Variants in KCNIP4 observed in about 807,000 individuals in gnomAD.
The protein encoded by KCNIP4 is Kv channel-interacting protein 4.
KCNIP4 carries 12 observed loss-of-function variants against 34.0 expected under a neutral mutation model. The ratio of observed to expected loss-of-function variants is 0.35; its 90% CI spans 0.23 to 0.57. KCNIP4 has a LOEUF of 0.57. Ranked by LOEUF, KCNIP4 falls within the 20% of genes least tolerant of loss-of-function variation. The pLI, the probability that KCNIP4 is intolerant of heterozygous loss-of-function variation, is 0.83. For missense variants in KCNIP4, 238 were observed against 311.7 expected (o/e 0.76, Z 1.78); for synonymous variants, 124 against 102.2 (o/e 1.21, Z -1.29).
chr4:21,580,044 A>G (rs1321259053), intron 1 of KCNIP4, among the ~76,000 whole-genome samples: 1 of 152,158 alleles, frequency 6.6e-6, no homozygotes, highest in Non-Finnish European at 1.5e-5. Context: ...ATATGTGTTG[A>G]AATAAAACAT....
At chr4:21,883,813 G>T (rs1049008522) in intron 1 of KCNIP4, among the ~76,000 whole-genome samples, 20 of 152,162 alleles carry the variant, frequency 1.3e-4, no homozygotes, top group African/African-American at 4.1e-4. Flanking sequence ...TCACTCAATA[G>T]CTTATTGATG....
intron 1 of KCNIP4, among the ~76,000 whole-genome samples, chr4:21,648,053 T>G (rs2108964572): frequency 6.6e-6 from 1 of 151,712 alleles, no homozygotes; most frequent in East Asian, 2.0e-4. Context: ...TTTTGTATTT[T>G]TAGTGGAGAT....
intron 1 of KCNIP4, among the ~76,000 whole-genome samples, chr4:20,944,778 G>C (rs1462199180): frequency 6.6e-6 from 1 of 152,208 alleles, no homozygotes. Flanking sequence ...GAGGAGCCAG[G>C]AAGCTTTGGG....
chr4:20,835,597 C>T (rs1718945324), intron 3 of KCNIP4, among the ~76,000 whole-genome samples: 1 of 152,058 alleles, frequency 6.6e-6, no homozygotes. Flanking sequence ...ATCATCAATT[C>T]CCATGGCCTT....
chr4:20,807,256 T>C (rs1715211373), intron 3 of KCNIP4, among the ~76,000 whole-genome samples: 1 of 152,190 alleles, frequency 6.6e-6, no homozygotes, highest in Non-Finnish European at 1.5e-5. Context: ...GTAATGTTAG[T>C]CTTCTTTATT....
intron 1 of KCNIP4, among the ~76,000 whole-genome samples, chr4:21,472,963 G>A (rs1394290338): frequency 6.6e-6 from 1 of 152,154 alleles, no homozygotes; most frequent in Non-Finnish European, 1.5e-5. Flanking sequence ...CTTTTCAGGA[G>A]AGAAATATAC....
At chr4:20,777,466 G>C (rs534712128) in intron 3 of KCNIP4, among the ~76,000 whole-genome samples, 2 of 152,246 alleles carry the variant, frequency 1.3e-5, no homozygotes, top group South Asian at 4.2e-4. Flanking sequence ...TAATGAATAG[G>C]ATTAATGTTC....
At chr4:20,868,631 A>T (rs973174386) in intron 2 of KCNIP4, among the ~76,000 whole-genome samples, 1 of 152,146 alleles carries the variant, frequency 6.6e-6, no homozygotes, top group Admixed American at 6.6e-5. Flanking sequence ...AATGAGGTAC[A>T]CAGACACCAT....
chr4:21,589,523 G>C (rs1174354232), intron 1 of KCNIP4, among the ~76,000 whole-genome samples: 1 of 151,374 alleles, frequency 6.6e-6, no homozygotes, highest in Non-Finnish European at 1.5e-5. Context: ...TAATGCAAAA[G>C]GGTTGAATTG....
chr4:21,636,295 A>T (rs1746156600), intron 1 of KCNIP4, among the ~76,000 whole-genome samples: 1 of 150,958 alleles, frequency 6.6e-6, no homozygotes, highest in Non-Finnish European at 1.5e-5. Flanking sequence ...TATAATAAAA[A>T]AAAAGGAAAA....
intron 1 of KCNIP4, among the ~76,000 whole-genome samples, chr4:21,691,691 CTT>C (rs36004947): frequency 1.9e-5 from 2 of 103,146 alleles, no homozygotes; most frequent in Non-Finnish European, 3.7e-5. Context: ...AAACGCAGCT[CTT>C]TTTTTTTTTT....
chr4:21,929,546 C>T (rs754060812), intron 1 of KCNIP4, among the ~76,000 whole-genome samples: 1 of 152,148 alleles, frequency 6.6e-6, no homozygotes, highest in East Asian at 1.9e-4. Context: ...TTCTCCACTA[C>T]TCAACCACTG....
intron 1 of KCNIP4, among the ~76,000 whole-genome samples, chr4:21,507,387 C>G (rs114188292): frequency 0.01 from 1,533 of 151,968 alleles, 26 homozygotes; most frequent in African/African-American, 0.035. Context: ...GCTTCTACCT[C>G]CCAAGTAGCT....
At chr4:21,649,127 T>C (rs887504968) in intron 1 of KCNIP4, among the ~76,000 whole-genome samples, 1 of 152,212 alleles carries the variant, frequency 6.6e-6, no homozygotes, top group Non-Finnish European at 1.5e-5. Context: ...CAGTTACTTA[T>C]AGTTATTTTG....
intron 1 of KCNIP4, among the ~76,000 whole-genome samples, chr4:21,166,513 C>T (rs1753635751): frequency 6.6e-6 from 1 of 152,096 alleles, no homozygotes; most frequent in Non-Finnish European, 1.5e-5. Context: ...CAATATGACC[C>T]ATTTATCTTA....
At chr4:21,882,881 AC>A (rs1268019471) in intron 1 of KCNIP4, among the ~76,000 whole-genome samples, 1 of 152,166 alleles carries the variant, frequency 6.6e-6, no homozygotes, top group Non-Finnish European at 1.5e-5. Context: ...CTTCTGAGGT[AC>A]TATAGTTTTG....
chr4:21,547,041 G>A (rs1738204377), intron 1 of KCNIP4, among the ~76,000 whole-genome samples: 1 of 152,064 alleles, frequency 6.6e-6, no homozygotes, highest in Admixed American at 6.6e-5. Context: ...ATATTGCTGG[G>A]TTTGGCTTGG....
chr4:20,812,888 G>A (rs549660764), intron 3 of KCNIP4, among the ~76,000 whole-genome samples: 1 of 152,206 alleles, frequency 6.6e-6, no homozygotes, highest in African/African-American at 2.4e-5. Flanking sequence ...TTGAGACAGT[G>A]TGGTATCTCT....
chr4:21,672,545 T>C (rs553173814), intron 1 of KCNIP4, among the ~76,000 whole-genome samples: 1 of 152,238 alleles, frequency 6.6e-6, no homozygotes, highest in Non-Finnish European at 1.5e-5. Context: ...ATTAAATATG[T>C]GTTTTTACAT....
Sources: gnomAD v4.1 joint callset for allele counts (sites outside exome capture counted in the v4.1 genomes callset) on GRCh38, gnomAD v4.1.1 for gene constraint, MANE v1.5 for transcripts, NCBI Gene and HGNC (gene_info 2026-07-23, HGNC 2026-07-21) for gene names.